Variants in ADAM32 observed in about 807,000 individuals in gnomAD.
The protein encoded by ADAM32 is disintegrin and metalloproteinase domain-containing protein 32.
ADAM32 carries 89 observed loss-of-function variants against 114.9 expected under a neutral mutation model. The ratio of observed to expected loss-of-function variants is 0.77; its 90% CI spans 0.65 to 0.92. ADAM32 has a LOEUF of 0.92. Among genes scored for constraint, ADAM32 ranks in the 40% least tolerant of loss-of-function variants. The pLI is 0.00. For synonymous variants in ADAM32, 285 were observed against 307.5 expected, an observed-to-expected ratio of 0.93 and a Z score of 0.77; for missense variants, 870 against 932.8, an observed-to-expected ratio of 0.93 and a Z score of 0.88.
chr8:39,265,878 A>G (rs1276598371), intron 19 of ADAM32, among the ~76,000 whole-genome samples: 2 of 152,116 alleles, frequency 1.3e-5, no homozygotes, highest in Non-Finnish European at 2.9e-5. Flanking sequence ...TTCCCTTAGC[A>G]TTGACTTGTT....
chr8:39,173,847 C>T (rs1007335739), intron 10 of ADAM32, among the ~76,000 whole-genome samples: 1 of 151,510 alleles, frequency 6.6e-6, no homozygotes, highest in Non-Finnish European at 1.5e-5. Flanking sequence ...TTTTTTGAGA[C>T]AGGGTCTCAC....
At chr8:39,225,176 C>T (rs1348352348) in intron 14 of ADAM32, among the ~76,000 whole-genome samples, 1 of 152,194 alleles carries the variant, frequency 6.6e-6, no homozygotes, top group Non-Finnish European at 1.5e-5. Context: ...CACCCCTGAC[C>T]CTGGAGCTGT....
intron 2 of ADAM32, among the ~76,000 whole-genome samples, chr8:39,124,176 T>TC (rs1485799195): frequency 3.3e-5 from 5 of 151,958 alleles, no homozygotes; most frequent in Admixed American, 2.0e-4. Context: ...ATGCTCTCCC[T>TC]CCCCCAGCTC....
chr8:39,113,264 G>C (rs764145101), intron 1 of ADAM32, among the ~76,000 whole-genome samples: 2 of 152,316 alleles, frequency 1.3e-5, no homozygotes, highest in Middle Eastern at 3.4e-3. Context: ...CGAGCTGCCA[G>C]ATGACTGCAG....
In ADAM32 at chr8:39,121,450, G is replaced by T. The variant is rs569820119; in HGVS notation, c.138+3285G>T. Among the ~76,000 whole-genome samples, 3 of 152,172 alleles carry T rather than the reference G, an allele frequency of 2.0e-5. No individual in the cohort carries two copies. In the East Asian group the frequency reaches 5.8e-4, roughly 29 times the overall value. ...GAACATCACACACTGGGGCCAGTCG[G>T]GGGGTGGAGGGCTAGGGGAGGGAGA... is the stretch of plus-strand genomic sequence containing the variant. On this transcript the variant is annotated intron_variant, in intron 2 of 24. Transcript: ENST00000379907.
Position 39,257,348 on chromosome 8 carries a change from A to G in ADAM32, c.2162+5A>G. 7 of 1,612,776 alleles carry G rather than the reference A, an allele frequency of 4.3e-6. No homozygotes were observed. Among genetic ancestry groups the G allele is most frequent in the Non-Finnish European group, 5.9e-6 (7 of 1,179,206 alleles). On this transcript the variant is annotated splice_donor_5th_base_variant and intron_variant, in intron 19 of 24. Transcript: ENST00000379907. ...AGAGGAATTCCCAAGTAGCGAGTAA[A>G]TTGCATTTGTGTTCTGAAGTTAAAC...
intron 16 of ADAM32, among the ~76,000 whole-genome samples, chr8:39,239,577 A>G (rs1457329580): frequency 3.3e-5 from 5 of 152,212 alleles, no homozygotes; most frequent in African/African-American, 1.2e-4. Flanking sequence ...CTCACATCTC[A>G]ATACTAACAT....
chr8:39,170,865 G>A (rs1805142464), intron 10 of ADAM32, among the ~76,000 whole-genome samples: 1 of 152,068 alleles, frequency 6.6e-6, no homozygotes, highest in African/African-American at 2.4e-5. Context: ...GGAAGGGTAG[G>A]GGGAAGAGGA....
chr8:39,171,272 G>T (rs1805174320), intron 10 of ADAM32, among the ~76,000 whole-genome samples: 1 of 152,052 alleles, frequency 6.6e-6, no homozygotes, highest in Admixed American at 6.6e-5. Context: ...GCACAATAGG[G>T]TGACTATAAT....
intron 14 of ADAM32, 96 bp downstream of exon 14, chr8:39,223,334 G>A: frequency 7.0e-6 from 5 of 716,676 alleles, no homozygotes; most frequent in South Asian, 4.3e-5. Flanking sequence ...AATGTGGAAT[G>A]TTTTATATAG....
rs114634444 is a variant in ADAM32, at chr8:39,236,594, C to A, written c.1818+2512C>A. 5.4e-3 allele frequency among the ~76,000 whole-genome samples: 829 copies of A among 152,198 alleles called. 10 individuals carry two copies. The highest frequency in any genetic ancestry group is 0.019 in the African/African-American group (790 of 41,530). On this transcript the variant is annotated intron_variant, in intron 16 of 24. Coordinates refer to ENST00000379907, the MANE Select transcript of ADAM32 (RefSeq NM_145004.7). ...CTTTATCCCCTACTCCCCCACAAAA[C>A]CTGTACCACTGTGCATAACCTACAT...
At chr8:39,282,041 T>C (rs1450610669) in intron 23 of ADAM32, among the ~76,000 whole-genome samples, 2 of 152,204 alleles carry the variant, frequency 1.3e-5, no homozygotes, top group Non-Finnish European at 2.9e-5. Flanking sequence ...ATAAGCACCC[T>C]TTTACAGTCA....
At chr8:39,252,776 G>A (rs1811387008) in intron 17 of ADAM32, among the ~76,000 whole-genome samples, 1 of 151,382 alleles carries the variant, frequency 6.6e-6, no homozygotes, top group Non-Finnish European at 1.5e-5. Context: ...AAGATACTGT[G>A]GTGTATATTT....
At chr8:39,141,561 G>A (rs1412481026) in intron 3 of ADAM32, among the ~76,000 whole-genome samples, 1 of 152,150 alleles carries the variant, frequency 6.6e-6, no homozygotes, top group Non-Finnish European at 1.5e-5. Flanking sequence ...GAGACAGTTT[G>A]TTGTGATTTC....
intron 18 of ADAM32, among the ~76,000 whole-genome samples, chr8:39,256,688 A>C (rs538935726): frequency 6.6e-6 from 1 of 152,042 alleles, no homozygotes; most frequent in African/African-American, 2.4e-5. Flanking sequence ...GGACAGAATT[A>C]GGATTAGGAA....
intron 2 of ADAM32, among the ~76,000 whole-genome samples, chr8:39,124,331 C>T (rs200235302): frequency 3.9e-5 from 6 of 152,032 alleles, no homozygotes; most frequent in African/African-American, 1.4e-4. Context: ...CAACTCTATC[C>T]ATGTCTCTGC....
At chr8:39,157,722 A>C (rs1349713808) in intron 6 of ADAM32, 1 of 1,253,078 alleles carries the variant, frequency 8.0e-7, no homozygotes, top group Admixed American at 1.7e-5. Context: ...CTTGCCTCTT[A>C]GTTCCCACCA....
intron 9 of ADAM32, chr8:39,169,367 A>T (rs1805053105): frequency 6.6e-6 from 1 of 152,300 alleles, no homozygotes; most frequent in African/African-American, 2.4e-5. Flanking sequence ...ATGGGGACAA[A>T]AATAATATCT....
intron 22 of ADAM32, among the ~76,000 whole-genome samples, chr8:39,276,859 T>C (rs1173507111): frequency 3.3e-5 from 5 of 152,194 alleles, no homozygotes; most frequent in African/African-American, 7.2e-5. Context: ...TCTTATTATA[T>C]TCTGTCATCT....
Sources: allele counts gnomAD v4.1 joint callset (sites outside exome capture counted in the v4.1 genomes callset), GRCh38; gene constraint gnomAD v4.1.1; transcripts MANE v1.5; gene names NCBI Gene and HGNC (gene_info 2026-07-23, HGNC 2026-07-21).